Variants in SHISA9 observed in about 807,000 individuals in gnomAD.
SHISA9 encodes shisa family member 9.
Under a neutral mutation model 38.0 loss-of-function variants are expected in SHISA9, and 13 were observed. The observed-to-expected ratio is 0.34, with a 90% CI of 0.22 to 0.54. SHISA9 has a LOEUF of 0.54. Ranked by LOEUF, SHISA9 falls within the 20% of genes least tolerant of loss-of-function variation. The pLI, the probability that SHISA9 is intolerant of heterozygous loss-of-function variation, is 0.91. For synonymous variants in SHISA9, 275 were observed against 242.0 expected, an observed-to-expected ratio of 1.14 and a Z score of -1.27; for missense variants, 538 against 575.8, an observed-to-expected ratio of 0.93 and a Z score of 0.67.
At chr16:13,006,079 C>T (rs533549658) in intron 2 of SHISA9, among the ~76,000 whole-genome samples, 3 of 152,306 alleles carry the variant, frequency 2.0e-5, no homozygotes, top group Non-Finnish European at 4.4e-5. Flanking sequence ...CACACACACG[C>T]GCACACTCTG....
intron 1 of SHISA9, chr16:12,908,763 G>A (rs1366526479): frequency 7.1e-7 from 1 of 1,399,688 alleles, no homozygotes; most frequent in Non-Finnish European, 9.3e-7. Context: ...GGCCCCGGCA[G>A]GCCCAGACGT....
intron 2 of SHISA9, among the ~76,000 whole-genome samples, chr16:13,135,904 G>C (rs145646175): frequency 6.6e-6 from 1 of 152,212 alleles, no homozygotes; most frequent in East Asian, 1.9e-4. Flanking sequence ...ATATTCCAGG[G>C]CTCCACTATC....
At chr16:13,401,279 A>G in the SHISA9 span, among the ~76,000 whole-genome samples, 1 of 152,200 alleles carries the variant, frequency 6.6e-6, no homozygotes, top group South Asian at 2.1e-4. Flanking sequence ...CAAGGCACAG[A>G]TAAGCTAAGG....
chr16:13,539,736 C>T, the SHISA9 span, among the ~76,000 whole-genome samples: 1 of 152,060 alleles, frequency 6.6e-6, no homozygotes, highest in Non-Finnish European at 1.5e-5. Flanking sequence ...GTTTTTGAAT[C>T]CTCATCCTCC....
intron 2 of SHISA9, among the ~76,000 whole-genome samples, chr16:13,095,017 T>C (rs1259367045): frequency 6.6e-6 from 1 of 152,242 alleles, no homozygotes; most frequent in Non-Finnish European, 1.5e-5. Context: ...CCTCTTTAGA[T>C]GTGATCAGGC....
At chr16:13,542,504 G>C in the SHISA9 span, among the ~76,000 whole-genome samples, 3 of 152,174 alleles carry the variant, frequency 2.0e-5, no homozygotes, top group South Asian at 6.2e-4. Flanking sequence ...CCCCTAGAGG[G>C]CAGAGCAGAG....
At chr16:13,034,576 A>T (rs1218692221) in intron 2 of SHISA9, among the ~76,000 whole-genome samples, 1 of 152,156 alleles carries the variant, frequency 6.6e-6, no homozygotes, top group African/African-American at 2.4e-5. Context: ...TGATAGACCC[A>T]ATTCTTCAGA....
At chr16:13,509,720 C>G in the SHISA9 span, among the ~76,000 whole-genome samples, 1 of 152,152 alleles carries the variant, frequency 6.6e-6, no homozygotes, top group Admixed American at 6.5e-5. Flanking sequence ...TGGAATATCA[C>G]TTATTAATGA....
chr16:13,068,794 CAT>C (rs1290055882), intron 2 of SHISA9, among the ~76,000 whole-genome samples: 4 of 152,198 alleles, frequency 2.6e-5, no homozygotes, highest in South Asian at 2.1e-4. Context: ...TATGTGTATG[CAT>C]ATATGTGTGT....
At chr16:13,537,878 C>A in the SHISA9 span, among the ~76,000 whole-genome samples, 1 of 152,028 alleles carries the variant, frequency 6.6e-6, no homozygotes, top group Non-Finnish European at 1.5e-5. Flanking sequence ...AGGAAAAACG[C>A]TAGAAGAAAC....
At chr16:13,475,299 A>C in the SHISA9 span, among the ~76,000 whole-genome samples, 1 of 144,168 alleles carries the variant, frequency 6.9e-6, no homozygotes, top group Non-Finnish European at 1.5e-5. Flanking sequence ...CCCCATGTCA[A>C]AAATGAGGAA....
At chr16:13,508,964 C>A in the SHISA9 span, among the ~76,000 whole-genome samples, 40 of 152,196 alleles carry the variant, frequency 2.6e-4, no homozygotes, top group African/African-American at 9.2e-4. Context: ...AACTGATGAG[C>A]AATTCATTAT....
At chr16:13,292,830 C>G in the SHISA9 span, among the ~76,000 whole-genome samples, 1 of 152,100 alleles carries the variant, frequency 6.6e-6, no homozygotes, top group African/African-American at 2.4e-5. Flanking sequence ...ACCAACAGTT[C>G]TAAGACATCC....
the SHISA9 span, among the ~76,000 whole-genome samples, chr16:13,398,887 A>G: frequency 6.6e-6 from 1 of 152,216 alleles, no homozygotes; most frequent in African/African-American, 2.4e-5. Flanking sequence ...TAAATGAATC[A>G]TGAATGAATT....
At chr16:13,444,417 G>GAGGGAGGA in the SHISA9 span, among the ~76,000 whole-genome samples, 3 of 140,432 alleles carry the variant, frequency 2.1e-5, no homozygotes, top group Non-Finnish European at 3.0e-5. Context: ...GGGAGGGAGG[G>GAGGGAGGA]AGGAAGGAAG....
the SHISA9 span, among the ~76,000 whole-genome samples, chr16:13,263,381 G>T: frequency 2.0e-5 from 3 of 152,150 alleles, no homozygotes; most frequent in African/African-American, 7.2e-5. Context: ...CTCATGAATG[G>T]TTTAGCACCA....
the SHISA9 span, among the ~76,000 whole-genome samples, chr16:13,452,892 C>G: frequency 1.1e-4 from 17 of 151,606 alleles, no homozygotes; most frequent in African/African-American, 3.4e-4. Context: ...TCAAGAATCC[C>G]TCACATTGTA....
At chr16:13,035,383 C>G (rs546508477) in intron 2 of SHISA9, among the ~76,000 whole-genome samples, 1 of 152,274 alleles carries the variant, frequency 6.6e-6, no homozygotes, top group Non-Finnish European at 1.5e-5. Flanking sequence ...CTCTATCAAT[C>G]TTCCTACATC....
chr16:13,377,853 C>T, the SHISA9 span, among the ~76,000 whole-genome samples: 1 of 151,710 alleles, frequency 6.6e-6, no homozygotes, highest in Admixed American at 6.6e-5. Flanking sequence ...CATGGTGAAA[C>T]CCCGTCTCTA....
Sources: gnomAD v4.1 joint callset for allele counts (sites outside exome capture counted in the v4.1 genomes callset) on GRCh38, gnomAD v4.1.1 for gene constraint, MANE v1.5 for transcripts, NCBI Gene and HGNC (gene_info 2026-07-23, HGNC 2026-07-21) for gene names.